The following GNG7 variants were observed in gnomAD, a reference collection of about 807,000 sequenced individuals.
GNG7 encodes the protein G protein subunit gamma 7.
A neutral mutation model predicts 4.0 loss-of-function variants in GNG7; 1 was observed. That is an observed-to-expected ratio of 0.25 (90% CI 0.09 to 1.18). The LOEUF is 1.18. Ranked by LOEUF, GNG7 falls within the 50% of genes most tolerant of loss-of-function variation. The pLI is 0.50. For synonymous variants in GNG7, 34 were observed against 36.9 expected (o/e 0.92, Z 0.29); for missense variants, 86 against 91.9 (o/e 0.94, Z 0.26).
chr19:2,552,059 C>T (rs12981261), intron 3 of GNG7, among the ~76,000 whole-genome samples: 2,914 of 152,276 alleles, frequency 0.019, 43 homozygotes, highest in Non-Finnish European at 0.03. Flanking sequence ...TCAGCAGTGG[C>T]ATCAGATTCT....
intron 2 of GNG7, among the ~76,000 whole-genome samples, chr19:2,616,743 G>A (rs1353224746): frequency 2.0e-5 from 3 of 151,998 alleles, no homozygotes; most frequent in Middle Eastern, 6.8e-3. Context: ...TCACGCCATC[G>A]CACTCCAGCC....
chr19:2,525,470 G>C (rs1978361438), intron 3 of GNG7, among the ~76,000 whole-genome samples: 1 of 122,666 alleles, frequency 8.2e-6, no homozygotes, highest in South Asian at 2.9e-4. Flanking sequence ...GCGCCTGAAA[G>C]TCAAGAAGGA....
rs201659163 is a variant in GNG7 at position 2,512,070 on chromosome 19, C to T, written c.*2952G>A. 204 of 985,798 alleles carry T rather than the reference C, an allele frequency of 2.1e-4. 2 individuals are homozygous for T. The Middle Eastern group carries it at 2.6e-3, about 12-fold the overall frequency. The allele number at this position is 985,798 out of a possible 1,614,324, so 61.1% of individuals were successfully genotyped here. A position where few individuals can be genotyped will look rare whatever the true frequency, so the allele number is the denominator to read the frequency against. On this transcript the variant is annotated 3_prime_UTR_variant, in exon 5 of 5. Coordinates refer to ENST00000382159, the MANE Select transcript of GNG7 (RefSeq NM_052847.3). This position sits in a 1 kb window ranked among gnomAD's most constrained non-coding sequence, Gnocchi z 4.7. ...AAACGGCCTTCTCTCTCCCACCCGA[C>T]GCTGCCTTGTGTGTGTGCGTGGGTG...
chr19:2,611,355 G>A lies in GNG7; in HGVS notation c.-78+34869C>T, dbSNP rs997053429. The A allele has an allele frequency of 1.1e-4, 17 of 152,408 alleles. No individual in the cohort carries two copies. Among genetic ancestry groups the A allele is most frequent in the Middle Eastern group, 3.4e-3 (1 of 294 alleles). 9.4% of individuals were successfully genotyped at this position (152,408 alleles called of 1,614,324 possible). On this transcript the variant is annotated intron_variant, in intron 2 of 4. Coordinates refer to ENST00000382159, the MANE Select transcript of GNG7 (RefSeq NM_052847.3). This position sits in a 1 kb window ranked among gnomAD's most constrained non-coding sequence, Gnocchi z 6.0. ...GCCAGGACAGGTCTCCCGGGAGCTG[G>A]TCTGTGCTGCCACCTGCTGGTCATG... is the stretch of plus-strand genomic sequence containing the variant.
At chr19:2,552,438 A>G (rs1011857257) in intron 3 of GNG7, among the ~76,000 whole-genome samples, 30 of 152,216 alleles carry the variant, frequency 2.0e-4, no homozygotes, top group African/African-American at 6.7e-4. Context: ...AGGCTGGAGT[A>G]CAATGGTGCG....
chr19:2,630,677 C>T (rs1982136856), intron 2 of GNG7: 1 of 151,898 alleles, frequency 6.6e-6, no homozygotes, highest in African/African-American at 2.4e-5. Flanking sequence ...ACCACACAAA[C>T]CTTCGGATGA....
intron 2 of GNG7, among the ~76,000 whole-genome samples, chr19:2,565,217 A>G (rs1281416369): frequency 6.6e-6 from 1 of 152,072 alleles, no homozygotes; most frequent in African/African-American, 2.4e-5. Context: ...TGCAGGCTCA[A>G]AAACCAAAGC....
chr19:2,548,975 C>T (rs1181571230), intron 3 of GNG7, among the ~76,000 whole-genome samples: 2 of 152,178 alleles, frequency 1.3e-5, no homozygotes, highest in African/African-American at 4.8e-5. Flanking sequence ...CAAAGCTGGG[C>T]AGGCTGAGGC....
intron 1 of GNG7, among the ~76,000 whole-genome samples, chr19:2,675,800 G>C (rs1176801211): frequency 1.3e-5 from 2 of 152,186 alleles, no homozygotes; most frequent in Non-Finnish European, 2.9e-5. Flanking sequence ...CAGTGCCCAG[G>C]ATGGCCCCTC....
rs374717316 is a variant in GNG7 at position 2,596,986 on chromosome 19, C to T, written c.-77-41798G>A. ...AAATTTCACAGGTATAGGCTGGGCT[C>T]GGTGGCTCACACCTGCAATCCCAGC... On this transcript the variant is annotated intron_variant, in intron 2 of 4. Coordinates refer to ENST00000382159, the MANE Select transcript of GNG7 (RefSeq NM_052847.3). 2.7e-4 allele frequency among the ~76,000 whole-genome samples: 41 copies of T among 151,318 alleles called. No individual in the cohort carries two copies. The South Asian group carries it at 5.9e-3, about 22-fold the overall frequency.
intron 3 of GNG7, among the ~76,000 whole-genome samples, chr19:2,521,378 G>A (rs1026219778): frequency 1.3e-5 from 2 of 152,196 alleles, no homozygotes; most frequent in Admixed American, 1.3e-4. Context: ...CCATGGCAGG[G>A]GTTCTTGCCC....
intron 1 of GNG7, among the ~76,000 whole-genome samples, chr19:2,692,735 T>G (rs1033384071): frequency 6.6e-6 from 1 of 151,624 alleles, no homozygotes; most frequent in South Asian, 2.1e-4. Context: ...CCTGTAATTC[T>G]AGAATGTGGG....
At chr19:2,548,171 A>G (rs1319673705) in intron 3 of GNG7, among the ~76,000 whole-genome samples, 1 of 147,074 alleles carries the variant, frequency 6.8e-6, no homozygotes, top group African/African-American at 2.5e-5. Context: ...CATGTTAACA[A>G]TGGAAAACAA....
At chr19:2,585,242 T>A (rs184586518) in intron 2 of GNG7, among the ~76,000 whole-genome samples, 1 of 152,196 alleles carries the variant, frequency 6.6e-6, no homozygotes, top group African/African-American at 2.4e-5. Context: ...TATGCATACA[T>A]GCACAATTAC....
intron 3 of GNG7, among the ~76,000 whole-genome samples, chr19:2,529,320 G>T (rs944463894): frequency 6.6e-6 from 1 of 152,144 alleles, no homozygotes; most frequent in Admixed American, 6.5e-5. Context: ...AGGTTCAAGC[G>T]ATTCTCTTGC....
At chr19:2,613,490 C>A (rs1362043476) in intron 2 of GNG7, among the ~76,000 whole-genome samples, 4 of 142,302 alleles carry the variant, frequency 2.8e-5, no homozygotes, top group Non-Finnish European at 5.9e-5. Context: ...ACCAGGGGGA[C>A]CCCCAGCTCC....
intron 2 of GNG7, among the ~76,000 whole-genome samples, chr19:2,613,238 G>A (rs1981625017): frequency 6.6e-6 from 1 of 152,214 alleles, no homozygotes; most frequent in African/African-American, 2.4e-5. Context: ...CGTTGAATTA[G>A]GTGAGTTTGC....
intron 1 of GNG7, among the ~76,000 whole-genome samples, chr19:2,692,265 T>C (rs981099513): frequency 1.3e-5 from 2 of 151,670 alleles, no homozygotes. Context: ...ACATCTGCAT[T>C]TGAACTTGGC....
At chr19:2,686,160 ATT>A (rs200980036) in intron 1 of GNG7, among the ~76,000 whole-genome samples, 44 of 143,140 alleles carry the variant, frequency 3.1e-4, no homozygotes, top group East Asian at 1.0e-3. Flanking sequence ...CTGTCTCAGC[ATT>A]TTTTTTTTTT....
Sources: gnomAD v4.1 joint callset for allele counts (sites outside exome capture counted in the v4.1 genomes callset) on GRCh38, gnomAD v4.1.1 for gene constraint, Gnocchi (gnomAD v3.1) non-coding constraint, MANE v1.5 for transcripts, NCBI Gene and HGNC (gene_info 2026-07-23, HGNC 2026-07-21) for gene names.